The following RAPGEF5 variants were observed in gnomAD, a reference collection of about 807,000 sequenced individuals.
RAPGEF5 encodes M-Ras-regulated GEF.
RAPGEF5 carries 65 observed loss-of-function variants against 125.2 expected under a neutral mutation model. The observed-to-expected ratio is 0.52, with a 90% confidence interval of 0.43 to 0.64. The LOEUF is 0.64. Ranked by LOEUF, RAPGEF5 falls within the 30% of genes least tolerant of loss-of-function variation. The pLI is 0.00. For missense variants in RAPGEF5, 958 were observed against 1,048.1 expected, an observed-to-expected ratio of 0.91 and a Z score of 1.19; for synonymous variants, 391 against 385.9, an observed-to-expected ratio of 1.01 and a Z score of -0.16.
chr7:22,262,439 G>A (rs1388534117), intron 7 of RAPGEF5, among the ~76,000 whole-genome samples: 1 of 152,164 alleles, frequency 6.6e-6, no homozygotes, highest in African/African-American at 2.4e-5. Context: ...CAAGGACGCA[G>A]GGAATCTGAG....
chr7:22,271,192 A>G (rs184403438), intron 6 of RAPGEF5, among the ~76,000 whole-genome samples: 1 of 152,314 alleles, frequency 6.6e-6, no homozygotes, highest in Non-Finnish European at 1.5e-5. Flanking sequence ...TAAAAAAAAT[A>G]CTGATATTTA....
chr7:22,139,634 T>C (rs1405237784), intron 21 of RAPGEF5: 4 of 156,124 alleles, frequency 2.6e-5, no homozygotes, highest in African/African-American at 9.6e-5. Context: ...TTCGCAAATT[T>C]TACAAAAATA....
At chr7:22,231,297 C>A (rs1419760) in intron 7 of RAPGEF5, among the ~76,000 whole-genome samples, 84,468 of 151,830 alleles carry the variant, frequency 0.56, 23,838 homozygotes, top group Middle Eastern at 0.63. Context: ...TTCTGGCTGG[C>A]AGTTTAAATG....
intron 6 of RAPGEF5, among the ~76,000 whole-genome samples, chr7:22,277,244 G>T (rs1782577929): frequency 1.3e-5 from 2 of 152,156 alleles, no homozygotes; most frequent in Non-Finnish European, 2.9e-5. Context: ...AACGTCAGAG[G>T]TATCAATCAA....
At chr7:22,193,541 C>A in intron 10 of RAPGEF5, 86 bp from the exon 11 acceptor site, 1 of 1,552,088 alleles carries the variant, frequency 6.4e-7, no homozygotes, top group East Asian at 2.4e-5. Context: ...TCCTCCTCGT[C>A]GATGTATTTG....
At chr7:22,215,968 AAC>A (rs1461813405) in intron 9 of RAPGEF5, among the ~76,000 whole-genome samples, 1 of 152,224 alleles carries the variant, frequency 6.6e-6, no homozygotes, top group African/African-American at 2.4e-5. Flanking sequence ...GGTGGTAAGA[AAC>A]ACAACATTCT....
intron 11 of RAPGEF5, among the ~76,000 whole-genome samples, chr7:22,178,340 T>C (rs1022471438): frequency 1.3e-5 from 2 of 151,974 alleles, no homozygotes; most frequent in Admixed American, 6.6e-5. Context: ...ATCAACTGAG[T>C]TTCCTATAAT....
chr7:22,313,715 T>C (rs1783525446), intron 3 of RAPGEF5, among the ~76,000 whole-genome samples: 1 of 152,260 alleles, frequency 6.6e-6, no homozygotes, highest in African/African-American at 2.4e-5. Context: ...CATGGCCTCA[T>C]GTAAATAAAA....
At chr7:22,352,870 T>C (rs1048370160) in intron 1 of RAPGEF5, among the ~76,000 whole-genome samples, 5 of 124,650 alleles carry the variant, frequency 4.0e-5, no homozygotes, top group African/African-American at 1.4e-4. Context: ...ATCATCACCA[T>C]TTTGCAACCC....
chr7:22,314,043 G>A (rs963423026), intron 3 of RAPGEF5, among the ~76,000 whole-genome samples: 3 of 152,266 alleles, frequency 2.0e-5, no homozygotes, highest in African/African-American at 7.2e-5. Flanking sequence ...AACAGAATAC[G>A]CATGTCTAGC....
chr7:22,280,368 C>T (rs1296101128), intron 6 of RAPGEF5, among the ~76,000 whole-genome samples: 1 of 152,120 alleles, frequency 6.6e-6, no homozygotes, highest in African/African-American at 2.4e-5. Context: ...AGAGAAAAGA[C>T]AGAAAAATAT....
At chr7:22,150,354 T>C in intron 18 of RAPGEF5, 53 bp downstream of exon 18, 2 of 1,563,674 alleles carry the variant, frequency 1.3e-6, no homozygotes, top group Non-Finnish European at 1.7e-6. Flanking sequence ...ATTACAGGTA[T>C]GAGCCACCTC....
At chr7:22,251,780 A>AAAAG (rs2128138434) in intron 7 of RAPGEF5, among the ~76,000 whole-genome samples, 1 of 147,800 alleles carries the variant, frequency 6.8e-6, no homozygotes, top group Non-Finnish European at 1.5e-5. Context: ...ATTGACAAAA[A>AAAAG]AAAAAAAAAA....
chr7:22,288,443 T>C (rs1463829752), intron 6 of RAPGEF5, among the ~76,000 whole-genome samples: 5 of 151,656 alleles, frequency 3.3e-5, no homozygotes, highest in African/African-American at 9.7e-5. Flanking sequence ...TCCCCAATCA[T>C]GCAAGTTCAG....
chr7:22,158,648 C>CAA (rs1416301053), intron 14 of RAPGEF5, among the ~76,000 whole-genome samples: 1 of 151,012 alleles, frequency 6.6e-6, no homozygotes, highest in African/African-American at 2.4e-5. Context: ...TTTTTTGAGA[C>CAA]AGAGTCTCAC....
intron 9 of RAPGEF5, among the ~76,000 whole-genome samples, chr7:22,201,384 G>A (rs143929610): frequency 4.2e-4 from 64 of 152,352 alleles, no homozygotes; most frequent in African/African-American, 1.4e-3. Flanking sequence ...TCCCAGCACA[G>A]GGCAGATGTG....
chr7:22,327,291 T>C (rs753271394), intron 1 of RAPGEF5, among the ~76,000 whole-genome samples: 14 of 152,242 alleles, frequency 9.2e-5, no homozygotes, highest in Non-Finnish European at 1.5e-4. Flanking sequence ...TCAAATCTCC[T>C]GTTAGAATTT....
At chr7:22,324,554 T>C (rs1375607366) in intron 1 of RAPGEF5, among the ~76,000 whole-genome samples, 1 of 152,266 alleles carries the variant, frequency 6.6e-6, no homozygotes, top group East Asian at 1.9e-4. Flanking sequence ...ACTCCCTTTG[T>C]ACTAGTTTTG....
At chr7:22,193,310 A>C (rs1583469275) in intron 11 of RAPGEF5, 57 bp downstream of exon 11, 2 of 1,526,128 alleles carry the variant, frequency 1.3e-6, no homozygotes, top group Non-Finnish European at 1.8e-6. Flanking sequence ...CCCTGAGGGT[A>C]CTGACAAGGG....
Sources: allele counts gnomAD v4.1 joint callset (sites outside exome capture counted in the v4.1 genomes callset), GRCh38; gene constraint gnomAD v4.1.1; transcripts MANE v1.5; gene names NCBI Gene and HGNC (gene_info 2026-07-23, HGNC 2026-07-21).